ZFPM2: variants seen among roughly 807,000 people sequenced by gnomAD.
ZFPM2 encodes the protein zinc finger protein ZFPM2.
Under a neutral mutation model 98.6 loss-of-function variants are expected in ZFPM2, and 20 were observed. That is an observed-to-expected ratio of 0.20 (90% CI 0.14 to 0.29). The LOEUF (loss-of-function observed/expected upper bound fraction) is 0.29. Among genes scored for constraint, ZFPM2 ranks in the 10% least tolerant of loss-of-function variants. The probability of loss-of-function intolerance (pLI) is 1.00; values close to 1 mark genes in which losing one functional copy is unlikely to be tolerated. For missense variants in ZFPM2, 1,310 were observed against 1,388.6 expected (o/e 0.94, Z 0.90); for synonymous variants, 518 against 502.7 (o/e 1.03, Z -0.41).
At chr8:105,791,012 G>C (rs186871171) in intron 6 of ZFPM2, among the ~76,000 whole-genome samples, 2 of 152,142 alleles carry the variant, frequency 1.3e-5, no homozygotes, top group African/African-American at 4.8e-5. Flanking sequence ...GGGTTTTCTA[G>C]ATATACAATC....
rs1225300120 is a variant in ZFPM2, at chr8:105,637,659, C to A, written c.532+3302C>A. On this transcript the variant is annotated intron_variant, in intron 5 of 7. Coordinates refer to ENST00000407775, the MANE Select transcript of ZFPM2 (RefSeq NM_012082.4). ...AGCATGTCCCAAAGTTGTGTCAATA[C>A]CTTAATATTCTGGGATTTTACTAGG... Among the ~76,000 whole-genome samples the A allele has an allele frequency of 2.0e-5, 3 of 151,956 alleles. No individual in the cohort carries two copies. In the South Asian group the frequency reaches 6.2e-4, roughly 32 times the overall value.
chr8:105,654,180 A>G (rs1817238637), intron 5 of ZFPM2, among the ~76,000 whole-genome samples: 1 of 151,770 alleles, frequency 6.6e-6, no homozygotes, highest in Non-Finnish European at 1.5e-5. Context: ...TGCCTCTGTC[A>G]TCCTTCCTGC....
chr8:105,521,104 A>G (rs1369135872), intron 3 of ZFPM2, among the ~76,000 whole-genome samples: 3 of 149,218 alleles, frequency 2.0e-5, no homozygotes, highest in Non-Finnish European at 4.4e-5. Context: ...GAAATCCTGT[A>G]AAATTTGTGT....
intron 4 of ZFPM2, among the ~76,000 whole-genome samples, chr8:105,624,118 G>A (rs1483536974): frequency 1.3e-5 from 2 of 152,172 alleles, no homozygotes; most frequent in Non-Finnish European, 2.9e-5. Context: ...GACCTTCAGA[G>A]GTTAAGTGAC....
intron 4 of ZFPM2, among the ~76,000 whole-genome samples, chr8:105,615,242 A>G (rs1470708842): frequency 6.6e-6 from 1 of 152,158 alleles, no homozygotes; most frequent in Non-Finnish European, 1.5e-5. Flanking sequence ...TAATAGCACA[A>G]TAATGGAAAT....
intron 3 of ZFPM2, among the ~76,000 whole-genome samples, chr8:105,465,005 C>T (rs1385788817): frequency 6.7e-6 from 1 of 150,180 alleles, no homozygotes; most frequent in African/African-American, 2.4e-5. Context: ...AAGATATTCA[C>T]TCAGCCTGTA....
chr8:105,679,148 G>A (rs1586192964), intron 5 of ZFPM2: 1 of 152,154 alleles, frequency 6.6e-6, no homozygotes, highest in Admixed American at 6.5e-5. Flanking sequence ...GCCTGCAAAT[G>A]CATTATGCAC....
At chr8:105,602,442 A>G (rs755513132) in intron 4 of ZFPM2, among the ~76,000 whole-genome samples, 11 of 152,256 alleles carry the variant, frequency 7.2e-5, no homozygotes, top group East Asian at 5.8e-4. Context: ...ATGAAGCCGA[A>G]TTATAACTGT....
chr8:105,707,885 ACT>A (rs1811299384), intron 5 of ZFPM2, among the ~76,000 whole-genome samples: 1 of 152,176 alleles, frequency 6.6e-6, no homozygotes, highest in Non-Finnish European at 1.5e-5. Flanking sequence ...TCAGGTTATA[ACT>A]CTCCTTTCAT....
intron 3 of ZFPM2, among the ~76,000 whole-genome samples, chr8:105,514,424 A>C (rs1813879310): frequency 1.3e-5 from 2 of 150,412 alleles, no homozygotes; most frequent in Non-Finnish European, 2.9e-5. Context: ...TAATGTATAC[A>C]TGTAACCTTG....
intron 1 of ZFPM2, among the ~76,000 whole-genome samples, chr8:105,354,661 AC>A (rs1812707577): frequency 6.6e-6 from 1 of 152,186 alleles, no homozygotes; most frequent in Admixed American, 6.5e-5. Flanking sequence ...TTAGTACAAA[AC>A]CACACACAGT....
At chr8:105,417,574 C>G (rs940765349) in intron 1 of ZFPM2, among the ~76,000 whole-genome samples, 2 of 151,994 alleles carry the variant, frequency 1.3e-5, no homozygotes, top group African/African-American at 4.8e-5. Flanking sequence ...TTGAAATTAT[C>G]AAATAAATGG....
intron 5 of ZFPM2, among the ~76,000 whole-genome samples, chr8:105,710,544 A>C (rs1172046573): frequency 2.6e-5 from 4 of 152,272 alleles, no homozygotes; most frequent in Middle Eastern, 6.8e-3. Flanking sequence ...AAATTGAGAG[A>C]TATGCAATGA....
intron 5 of ZFPM2, among the ~76,000 whole-genome samples, chr8:105,774,595 G>A (rs1813056122): frequency 6.6e-6 from 1 of 152,130 alleles, no homozygotes; most frequent in African/African-American, 2.4e-5. Context: ...AGAGAAATTT[G>A]TGTGTTTAAT....
intron 5 of ZFPM2, among the ~76,000 whole-genome samples, chr8:105,733,195 C>G (rs1811986960): frequency 2.0e-5 from 3 of 151,850 alleles, no homozygotes; most frequent in Admixed American, 1.3e-4. Flanking sequence ...CCCAGATAGG[C>G]TGATGCCTGG....
At chr8:105,469,862 G>A in intron 3 of ZFPM2, among the ~76,000 whole-genome samples, 1 of 152,126 alleles carries the variant, frequency 6.6e-6, no homozygotes, top group East Asian at 1.9e-4. Context: ...GCTCATCAGA[G>A]GGTTGAATGA....
At chr8:105,394,671 G>A (rs1271390969) in intron 1 of ZFPM2, among the ~76,000 whole-genome samples, 1 of 152,312 alleles carries the variant, frequency 6.6e-6, no homozygotes, top group South Asian at 2.1e-4. Context: ...GAGCGGCTTC[G>A]AGTGTGGGCT....
At chr8:105,791,610 G>GAGTT (rs1039527528) in intron 6 of ZFPM2, among the ~76,000 whole-genome samples, 94 of 152,332 alleles carry the variant, frequency 6.2e-4, no homozygotes, top group African/African-American at 2.1e-3. Context: ...CTCATAAAAT[G>GAGTT]AGTTAGGGAG....
rs763181942 is a variant in ZFPM2 at position 105,803,417 on chromosome 8, G to C, written c.3335G>C (p.Ser1112Thr). Residue 1112 changes from serine to threonine, a missense_variant, in exon 8 of 8, where the codon AGC (serine) becomes ACC (threonine). Physicochemically the swap from Ser to Thr is moderately conservative, Grantham distance 58 (BLOSUM62 1). Coordinates refer to ENST00000407775, the MANE Select transcript of ZFPM2 (RefSeq NM_012082.4). ...SSIAKGVNGS[S>T]QAPTSGKYCR... Reference sequence around the variant, plus strand: ...ATAGCAAAAGGTGTGAATGGTTCCAGCCAGGCTCCAACCAGTGGGAAATAT... The same window carrying C: ...ATAGCAAAAGGTGTGAATGGTTCCACCCAGGCTCCAACCAGTGGGAAATAT... The C allele has an allele frequency of 2.5e-6, 4 of 1,613,850 alleles. No homozygotes were observed. The highest frequency in any genetic ancestry group is 3.4e-6 in the Non-Finnish European group (4 of 1,179,814).
Sources: gnomAD v4.1 joint callset for allele counts (sites outside exome capture counted in the v4.1 genomes callset) on GRCh38, gnomAD v4.1.1 for gene constraint, MANE v1.5 for transcripts, NCBI Gene and HGNC (gene_info 2026-07-23, HGNC 2026-07-21) for gene names.